Variants in ARHGEF2 observed in about 807,000 individuals in gnomAD.
ARHGEF2 encodes rho guanine nucleotide exchange factor 2.
Under a neutral mutation model 121.0 loss-of-function variants are expected in ARHGEF2, and 22 were observed. That is an observed-to-expected ratio of 0.18 (90% confidence interval 0.13 to 0.26). The LOEUF (loss-of-function observed/expected upper bound fraction) is 0.26, where lower values mean the gene tolerates loss of function less well. Among genes scored for constraint, ARHGEF2 ranks in the 10% least tolerant of loss-of-function variants. The probability of loss-of-function intolerance (pLI) is 1.00; values close to 1 mark genes in which losing one functional copy is unlikely to be tolerated. For synonymous variants in ARHGEF2, 487 were observed against 530.0 expected (o/e 0.92, Z 1.11); for missense variants, 907 against 1,336.0 (o/e 0.68, Z 5.01).
intron 2 of ARHGEF2, 36 bp from the exon 3 acceptor site, chr1:155,966,923 C>T (rs1679502674): frequency 8.1e-6 from 13 of 1,596,718 alleles, no homozygotes; most frequent in Non-Finnish European, 1.1e-5. Flanking sequence ...AAGGGAGGGC[C>T]GGGTGGTACA....
intron 14 of ARHGEF2, among the ~76,000 whole-genome samples, 162 bp downstream of exon 14, chr1:155,954,740 C>T (rs1457869363): frequency 6.6e-6 from 1 of 151,746 alleles, no homozygotes; most frequent in African/African-American, 2.4e-5. Context: ...TGGTAGTATA[C>T]ACTTTACATT....
rs144726162 is a variant in ARHGEF2, at chr1:155,974,524, C to T, written c.63+3841G>A. On this transcript the variant is annotated intron_variant, in intron 1 of 21. Coordinates refer to ENST00000361247, the MANE Select transcript of ARHGEF2 (RefSeq NM_001162383.2). ...GAAGAGGGCTTGGGGTGGTCTCAGC[C>T]GGGCCCTGCTCCTTTATGAGCTTCC... 9.7e-4 allele frequency among the ~76,000 whole-genome samples: 148 copies of T among 152,172 alleles called. 1 individual carries two copies. Among genetic ancestry groups the T allele is most frequent in the African/African-American group, 3.4e-3 (140 of 41,514 alleles).
chr1:155,978,592 T>G, upstream of ARHGEF2: 2 of 1,250,790 alleles, frequency 1.6e-6, no homozygotes, highest in Non-Finnish European at 2.0e-6. The surrounding 1 kb of genome is among the most constrained non-coding windows in gnomAD (Gnocchi z 4.1). Flanking sequence ...CCGAGTCTCC[T>G]CCCCCGCCCA....
intron 3 of ARHGEF2, 93 bp downstream of exon 3, chr1:155,966,727 G>A (rs1679456453): frequency 2.2e-6 from 3 of 1,385,028 alleles, no homozygotes; most frequent in East Asian, 4.6e-5. Flanking sequence ...TGGGTGGTGA[G>A]AAACACAGGG....
chr1:155,954,087 G>A lies in ARHGEF2; in HGVS notation c.1783+815C>T, dbSNP rs1388891307. Among the ~76,000 whole-genome samples, 5 of 149,368 alleles carry A rather than the reference G, an allele frequency of 3.3e-5. No individual in the cohort carries two copies. The South Asian group carries it at 8.4e-4, about 25-fold the overall frequency. On this transcript the variant is annotated intron_variant, in intron 14 of 21. Transcript: ENST00000361247. ...AACAATCCGCCCACCTCAGCCTCCCGAGTAGCCAGGACTACAGGTGTGTAC... is the reference window on the plus strand; with the variant it reads ...AACAATCCGCCCACCTCAGCCTCCCAAGTAGCCAGGACTACAGGTGTGTAC...
At chr1:155,964,167 A>AAAAAAT (rs1553244640) in intron 7 of ARHGEF2, among the ~76,000 whole-genome samples, 4 of 91,220 alleles carry the variant, frequency 4.4e-5, no homozygotes, top group South Asian at 6.5e-4. Context: ...AAAAAAAAAA[A>AAAAAAT]ATATATATAT....
intron 21 of ARHGEF2, among the ~76,000 whole-genome samples, chr1:155,948,949 T>C (rs1485424216): frequency 2.0e-5 from 3 of 152,076 alleles, no homozygotes; most frequent in South Asian, 4.1e-4. Context: ...ACCTGGCTAA[T>C]TAAAAAAATT....
chr1:155,957,019 A>ACT (rs1410295165), intron 13 of ARHGEF2, among the ~76,000 whole-genome samples: 1 of 151,148 alleles, frequency 6.6e-6, no homozygotes, highest in African/African-American at 2.4e-5. Context: ...TGAGAGCGAG[A>ACT]CTCTGTCTCA....
chr1:155,978,544 A>C lies in ARHGEF2; in HGVS notation c.-117T>G. The C allele has an allele frequency of 1.6e-6, 2 of 1,261,946 alleles. No homozygotes were observed. Among genetic ancestry groups the C allele is most frequent in the Non-Finnish European group, 2.0e-6 (2 of 998,540 alleles). The allele number at this position is 1,261,946 out of a possible 1,614,324, so 78.2% of individuals were successfully genotyped here. A position where few individuals can be genotyped will look rare whatever the true frequency, so the allele number is the denominator to read the frequency against. On this transcript the variant is annotated 5_prime_UTR_variant, in exon 1 of 22. Coordinates refer to ENST00000361247, the MANE Select transcript of ARHGEF2 (RefSeq NM_001162383.2). This position sits in a 1 kb window ranked among gnomAD's most constrained non-coding sequence, Gnocchi z 4.1. The stretch of plus-strand genomic sequence containing the variant: ...GTTGGTCTCGGGGACAGGAAGTCTG[A>C]CTCCCCTCGCCCGGCACCCAGCACC...
rs767426471 is a variant in ARHGEF2 at position 155,952,131 on chromosome 1, G to C, written c.2089C>G (p.Pro697Ala). Residue 697 changes from proline to alanine, a missense_variant, in exon 16 of 22, where the codon CCT becomes GCT. Around this residue, in one of 2 missense-constraint regions of ARHGEF2, gnomAD observed 432 missense variants for 559.5 expected, o/e 0.77. Coordinates refer to ENST00000361247, the MANE Select transcript of ARHGEF2 (RefSeq NM_001162383.2). ...LEPDSGGNTS[P>A]GVTANGEART... Reference sequence around the variant, plus strand: ...TGGTACTCACTGGCAGTGACCCCAGGACTCGTGTTACCACCGCTGTCTGGT... The same window carrying C: ...TGGTACTCACTGGCAGTGACCCCAGCACTCGTGTTACCACCGCTGTCTGGT... 3.1e-6 allele frequency: 5 copies of C among 1,614,036 alleles called. No individual in the cohort carries two copies. Among genetic ancestry groups the C allele is most frequent in the Non-Finnish European group, 3.4e-6 (4 of 1,179,998 alleles).
intron 11 of ARHGEF2, among the ~76,000 whole-genome samples, chr1:155,960,222 T>G (rs1677598709): frequency 6.6e-6 from 1 of 152,036 alleles, no homozygotes; most frequent in South Asian, 2.1e-4. Flanking sequence ...CCCAGCACTT[T>G]GGGAGGCTGA....
In ARHGEF2 at chr1:155,965,589, G is replaced by A. The variant is rs1247774447; in HGVS notation, c.470+42C>T. 2 of 1,611,740 alleles carry A rather than the reference G, an allele frequency of 1.2e-6. No individual in the cohort carries two copies. The highest frequency in any genetic ancestry group is 2.2e-5 in the East Asian group (1 of 44,882). ...TCTCAGCACCCCCTTGGCCTCCACT[G>A]CCACACTCTCTGGCTGCCCCTTTCC... is the stretch of plus-strand genomic sequence containing the variant. On this transcript the variant is annotated intron_variant, in intron 5 of 21. Coordinates refer to ENST00000361247, the MANE Select transcript of ARHGEF2 (RefSeq NM_001162383.2). This position sits in a 1 kb window ranked among gnomAD's most constrained non-coding sequence, Gnocchi z 6.0.
At chr1:155,959,771 C>T (rs12091273) in intron 11 of ARHGEF2, among the ~76,000 whole-genome samples, 39,462 of 151,980 alleles carry the variant, frequency 0.26, 6,069 homozygotes, top group East Asian at 0.78. Flanking sequence ...TCTCGAATTC[C>T]GGACCTCAGG....
chr1:155,972,397 G>A (rs972038542), intron 1 of ARHGEF2: 7 of 433,808 alleles, frequency 1.6e-5, no homozygotes, highest in South Asian at 4.8e-5. Context: ...GCCTGTGCCC[G>A]CCCCAGGGCT....
At position 155,963,131 on chromosome 1, in the gene ARHGEF2, G is replaced by A; in HGVS notation, c.777C>T (p.Arg259=). 6.2e-7 allele frequency: 1 copy of A among 1,613,590 alleles called. No homozygotes were observed. Among genetic ancestry groups the A allele is most frequent in the Non-Finnish European group, 8.5e-7 (1 of 1,179,950 alleles). The part of the protein sequence containing the change: ...HHVRTLKIMT[R]LFRTGMLEEL... The stretch of plus-strand genomic sequence containing the variant: ...CTTCCAGCATCCCCGTGCGGAAGAG[G>A]CGGGTCATGATCTTCAGTGTCCTCA... The change falls in exon 8 of 22, where the codon CGC becomes CGT. Residue 259 remains arginine (R), a synonymous_variant. Coordinates refer to ENST00000361247, the MANE Select transcript of ARHGEF2 (RefSeq NM_001162383.2).
chr1:155,964,191 T>TAC (rs1558031546), intron 7 of ARHGEF2, among the ~76,000 whole-genome samples: 2 of 124,646 alleles, frequency 1.6e-5, no homozygotes, highest in Non-Finnish European at 3.2e-5. Flanking sequence ...TATATATATA[T>TAC]ATATATACAT....
intron 14 of ARHGEF2, among the ~76,000 whole-genome samples, chr1:155,953,986 T>A (rs112043835): frequency 3.3e-4 from 50 of 152,118 alleles, no homozygotes; most frequent in African/African-American, 1.1e-3. Flanking sequence ...TGGGGTTTTT[T>A]TTGTTGTTGT....
In ARHGEF2 at chr1:155,947,968, C is replaced by A. The variant is rs200032144; in HGVS notation, c.2935G>T (p.Gly979Trp). 2.0e-4 allele frequency: 316 copies of A among 1,551,088 alleles called. 2 individuals are homozygous for A. In the East Asian group the frequency reaches 7.6e-3, roughly 37 times the overall value. ...DIPEETESRD[G>W]EAVASES is the part of the protein sequence containing the mutation. ...TAGCTCTCGGAGGCTACAGCCTCCC[C>A]GTCGCGGCTCTCCGTCTCCTCCGGG... Residue 979 changes from glycine to tryptophan, a missense_variant, in exon 22 of 22, where the codon GGG becomes TGG. Physicochemically the swap from Gly to Trp is radical, Grantham distance 184. This residue lies in a region of ARHGEF2 where 432 missense variants were observed against 559.5 expected (regional missense o/e 0.77). Transcript: ENST00000361247.
At chr1:155,949,894 T>C (rs1405254941) in intron 21 of ARHGEF2, among the ~76,000 whole-genome samples, 1 of 151,676 alleles carries the variant, frequency 6.6e-6, no homozygotes, top group Non-Finnish European at 1.5e-5. Flanking sequence ...AATAATGAAA[T>C]AAATTAATTA....
Sources: allele counts gnomAD v4.1 joint callset (sites outside exome capture counted in the v4.1 genomes callset), GRCh38; gene constraint gnomAD v4.1.1; regional missense constraint gnomAD v4.1.1; non-coding constraint Gnocchi (gnomAD v3.1); transcripts MANE v1.5; gene names NCBI Gene and HGNC (gene_info 2026-07-23, HGNC 2026-07-21).